PCSK6: variants seen among roughly 807,000 people sequenced by gnomAD.
PCSK6 encodes the protein proprotein convertase subtilisin/kexin type 6.
A neutral mutation model predicts 123.3 loss-of-function variants in PCSK6; 85 were observed. The observed-to-expected ratio is 0.69, with a 90% CI of 0.58 to 0.83. The LOEUF is 0.83. Ranked by LOEUF, PCSK6 falls within the 40% of genes least tolerant of loss-of-function variation. The pLI is 0.00. For synonymous variants in PCSK6, 508 were observed against 516.0 expected, an observed-to-expected ratio of 0.98 and a Z score of 0.21; for missense variants, 1,191 against 1,282.3, an observed-to-expected ratio of 0.93 and a Z score of 1.09.
rs973921413 is a variant in PCSK6, at chr15:101,406,650, C to T, written c.824-8074G>A. On this transcript the variant is annotated intron_variant, in intron 6 of 21. Transcript: ENST00000611716. ...TCATTATCACCTAAGACAATAGACA[C>T]GGCTTTCAAATTGCTAACTATGCCC... 4.6e-5 allele frequency among the ~76,000 whole-genome samples: 7 copies of T among 152,158 alleles called. No individual in the cohort carries two copies. The South Asian group carries it at 1.4e-3, about 32-fold the overall frequency.
At chr15:101,469,864 C>T (rs1181114339) in intron 1 of PCSK6, among the ~76,000 whole-genome samples, 1 of 152,174 alleles carries the variant, frequency 6.6e-6, no homozygotes, top group East Asian at 1.9e-4. Flanking sequence ...GCTTTAAATT[C>T]CTACTTTAAA....
At chr15:101,475,547 G>GTGGTCT (rs1207906625) in intron 1 of PCSK6, among the ~76,000 whole-genome samples, 3 of 152,090 alleles carry the variant, frequency 2.0e-5, no homozygotes, top group African/African-American at 7.2e-5. Context: ...GTGCGGTGAT[G>GTGGTCT]TGGTCTTGGC....
intron 1 of PCSK6, among the ~76,000 whole-genome samples, 175 bp downstream of exon 1, chr15:101,489,199 G>A (rs1228622061): frequency 5.1e-5 from 3 of 59,206 alleles, no homozygotes; most frequent in Non-Finnish European, 1.1e-4. Flanking sequence ...CGCCCCCCCG[G>A]GCGACACCCC....
At chr15:101,348,189 G>A (rs548056133) in intron 13 of PCSK6, among the ~76,000 whole-genome samples, 9 of 144,870 alleles carry the variant, frequency 6.2e-5, no homozygotes, top group Non-Finnish European at 1.2e-4. Context: ...CTGCGCCTCC[G>A]CTGCTCCTCC....
intron 13 of PCSK6, among the ~76,000 whole-genome samples, chr15:101,358,683 T>C (rs2041120600): frequency 6.6e-6 from 1 of 152,232 alleles, no homozygotes; most frequent in South Asian, 2.1e-4. Context: ...ACCATTCATC[T>C]GGAGGCTGAA....
At chr15:101,486,476 G>A (rs778073212) in intron 1 of PCSK6, among the ~76,000 whole-genome samples, 1 of 152,178 alleles carries the variant, frequency 6.6e-6, no homozygotes, top group Non-Finnish European at 1.5e-5. Context: ...GATTATCCAT[G>A]TAGTTATGTC....
intron 11 of PCSK6, among the ~76,000 whole-genome samples, chr15:101,371,623 A>G (rs1456302183): frequency 6.6e-6 from 1 of 152,242 alleles, no homozygotes; most frequent in Non-Finnish European, 1.5e-5. Flanking sequence ...CATTTAATCC[A>G]GAGGGAAATT....
At chr15:101,451,626 C>A (rs1392533310) in intron 1 of PCSK6, among the ~76,000 whole-genome samples, 1 of 152,224 alleles carries the variant, frequency 6.6e-6, no homozygotes, top group Non-Finnish European at 1.5e-5. Flanking sequence ...CAAACCCCGT[C>A]CGCTCCGCAG....
intron 6 of PCSK6, among the ~76,000 whole-genome samples, chr15:101,402,841 A>T (rs1364367240): frequency 7.0e-4 from 106 of 152,272 alleles, no homozygotes; most frequent in African/African-American, 2.5e-3. Flanking sequence ...AACTAGTTCA[A>T]CCATTGTGGA....
At chr15:101,423,188 C>T (rs936521318) in intron 6 of PCSK6, among the ~76,000 whole-genome samples, 3 of 150,630 alleles carry the variant, frequency 2.0e-5, no homozygotes, top group African/African-American at 7.3e-5. Flanking sequence ...GAGATGGAGA[C>T]ACATGAGGGA....
At chr15:101,429,206 A>T (rs1454000209) in intron 5 of PCSK6, among the ~76,000 whole-genome samples, 1 of 151,800 alleles carries the variant, frequency 6.6e-6, no homozygotes, top group Non-Finnish European at 1.5e-5. Context: ...GAATGATAAG[A>T]GCTCAGGGTA....
intron 11 of PCSK6, among the ~76,000 whole-genome samples, chr15:101,374,038 T>C (rs919647651): frequency 3.3e-5 from 5 of 152,214 alleles, no homozygotes; most frequent in Admixed American, 6.5e-5. Context: ...CCGCAAAACC[T>C]GCCTGGAGAC....
At chr15:101,430,969 C>T (rs1328096870) in intron 4 of PCSK6, among the ~76,000 whole-genome samples, 2 of 152,230 alleles carry the variant, frequency 1.3e-5, no homozygotes, top group Non-Finnish European at 2.9e-5. Context: ...AACCCAGGCA[C>T]TCTGGGCCTA....
rs566112182 is a variant in PCSK6 at position 101,431,031 on chromosome 15, T to C, written c.657+289A>G. On this transcript the variant is annotated intron_variant, in intron 4 of 21. Coordinates refer to ENST00000611716, the MANE Select transcript of PCSK6 (RefSeq NM_002570.5). ...TGTCACTGTTCGTGTTGCTACTATC[T>C]GTACGCTGATGATCCCCCTCCATGC... is the stretch of plus-strand genomic sequence containing the variant. 1.6e-4 allele frequency among the ~76,000 whole-genome samples: 24 copies of C among 152,346 alleles called. 1 individual carries two copies. In the South Asian group the frequency reaches 3.5e-3, roughly 22 times the overall value.
chr15:101,459,091 C>A (rs1254257033), intron 1 of PCSK6, among the ~76,000 whole-genome samples: 1 of 152,186 alleles, frequency 6.6e-6, no homozygotes, highest in Non-Finnish European at 1.5e-5. Context: ...GGCCACCTCT[C>A]CTCTCCCAGC....
rs118079600 is a variant in PCSK6, at chr15:101,458,666, G to T, written c.298-15006C>A. On this transcript the variant is annotated intron_variant, in intron 1 of 21. Transcript: ENST00000611716. ...CGGTCCCAAAGGCTCCACATACCCA[G>T]CAGATTGGCTCCTCGCTCCTTCCGA... 8.4e-4 allele frequency among the ~76,000 whole-genome samples: 128 copies of T among 152,230 alleles called. 4 individuals carry two copies. The East Asian group carries it at 0.021, about 25-fold the overall frequency.
rs375632852 is a variant in PCSK6, at chr15:101,398,397, C to T, written c.996+7G>A. 4 of 1,604,516 alleles carry T rather than the reference C, an allele frequency of 2.5e-6. No individual in the cohort carries two copies. The highest frequency in any genetic ancestry group is 2.2e-5 in the East Asian group (1 of 44,616). ...GAGCGCTCCCCTGTAGCCCTGGTTACTCACACCTTTTTAATGCCATACTCG... is the reference window on the plus strand; with the variant it reads ...GAGCGCTCCCCTGTAGCCCTGGTTATTCACACCTTTTTAATGCCATACTCG... On this transcript the variant is annotated splice_region_variant and intron_variant, in intron 7 of 21. Coordinates refer to ENST00000611716, the MANE Select transcript of PCSK6 (RefSeq NM_002570.5). The surrounding 1 kb of genome is among the most constrained non-coding windows in gnomAD (Gnocchi z 4.6).
At chr15:101,488,287 C>T (rs1315936581) in intron 1 of PCSK6, among the ~76,000 whole-genome samples, 2 of 152,210 alleles carry the variant, frequency 1.3e-5, no homozygotes, top group African/African-American at 2.4e-5. Context: ...GTTAACTGCA[C>T]TGAGAGGTCC....
chr15:101,463,330 G>A (rs927081617), intron 1 of PCSK6, among the ~76,000 whole-genome samples: 2 of 152,060 alleles, frequency 1.3e-5, no homozygotes, highest in Non-Finnish European at 2.9e-5. Context: ...GTTTCTCCCC[G>A]AATATCACTG....
Sources: gnomAD v4.1 joint callset for allele counts (sites outside exome capture counted in the v4.1 genomes callset) on GRCh38, gnomAD v4.1.1 for gene constraint, Gnocchi (gnomAD v3.1) non-coding constraint, MANE v1.5 for transcripts, NCBI Gene and HGNC (gene_info 2026-07-23, HGNC 2026-07-21) for gene names.